Variants in MBTD1 observed in about 807,000 individuals in gnomAD.
The protein encoded by MBTD1 is MBT domain-containing protein 1.
MBTD1 carries 24 observed loss-of-function variants against 87.8 expected under a neutral mutation model. The observed-to-expected ratio is 0.27, with a 90% confidence interval of 0.20 to 0.38. The LOEUF (loss-of-function observed/expected upper bound fraction) is 0.38, where lower values mean the gene tolerates loss of function less well. Ranked by LOEUF, MBTD1 falls within the 10% of genes least tolerant of loss-of-function variation. The pLI is 1.00. For synonymous variants in MBTD1, 237 were observed against 248.6 expected (o/e 0.95, Z 0.44); for missense variants, 436 against 760.2 (o/e 0.57, Z 5.02).
chr17:51,190,750 A>AAAATAT (rs1555677185), intron 16 of MBTD1, among the ~76,000 whole-genome samples: 38 of 39,684 alleles, frequency 9.6e-4, no homozygotes, highest in African/African-American at 2.0e-3. Flanking sequence ...AAAAAAAAAA[A>AAAATAT]ATATATATAT....
intron 2 of MBTD1, among the ~76,000 whole-genome samples, chr17:51,257,197 T>C (rs2055140667): frequency 6.6e-6 from 1 of 152,262 alleles, no homozygotes; most frequent in South Asian, 2.1e-4. Flanking sequence ...GTCCTTTCTC[T>C]TTTATTGTCC....
chr17:51,192,211 T>G lies in MBTD1; in HGVS notation c.1760A>C (p.His587Pro). The change falls in exon 16 of 17, where the codon CAT becomes CCT. Residue 587 changes from histidine to proline, a missense_variant. By Grantham distance (77) the His-to-Pro change is moderately conservative. This residue lies in a region of MBTD1 where 80 missense variants were observed against 182.2 expected (regional missense o/e 0.44). Coordinates refer to ENST00000586178, the MANE Select transcript of MBTD1 (RefSeq NM_017643.3). The stretch of plus-strand genomic sequence containing the variant: ...ACCACGTGGTGACCCACTTTTCTTA[T>G]GTCCTTTGTATTGCTGGGACTTAGC... ...KKAKSQQYKG[H>P]KKMTTLQLKE... 1.3e-6 allele frequency: 2 copies of G among 1,550,908 alleles called. No individual in the cohort carries two copies. The highest frequency in any genetic ancestry group is 1.7e-6 in the Non-Finnish European group (2 of 1,146,476).
chr17:51,257,702 A>G (rs907288517), intron 2 of MBTD1, among the ~76,000 whole-genome samples: 3 of 152,214 alleles, frequency 2.0e-5, no homozygotes, highest in African/African-American at 7.2e-5. Flanking sequence ...TCATGTTTAA[A>G]GTAAGCAGGA....
At chr17:51,194,115 T>C (rs2050947629) in intron 13 of MBTD1, among the ~76,000 whole-genome samples, 1 of 152,228 alleles carries the variant, frequency 6.6e-6, no homozygotes, top group African/African-American at 2.4e-5. Flanking sequence ...TGGACTGATA[T>C]TTTTCTTTCT....
intron 16 of MBTD1, among the ~76,000 whole-genome samples, chr17:51,190,491 G>T (rs2318786): frequency 0.097 from 14,787 of 151,686 alleles, 1,089 homozygotes; most frequent in African/African-American, 0.2. Context: ...GACCAAGGCA[G>T]GCAGATGGAT....
chr17:51,188,202 A>G (rs1168837924), intron 16 of MBTD1, among the ~76,000 whole-genome samples: 5 of 152,224 alleles, frequency 3.3e-5, no homozygotes, highest in African/African-American at 9.6e-5. Flanking sequence ...GTGAGATTTA[A>G]AGCAGAAATC....
chr17:51,247,576 G>A (rs758056779), intron 2 of MBTD1, among the ~76,000 whole-genome samples: 6 of 151,422 alleles, frequency 4.0e-5, no homozygotes, highest in Non-Finnish European at 5.9e-5. Flanking sequence ...AGCCTCCCAA[G>A]TAGCTGGGAC....
intron 2 of MBTD1, among the ~76,000 whole-genome samples, chr17:51,243,104 G>A (rs754472067): frequency 5.3e-5 from 8 of 152,164 alleles, no homozygotes; most frequent in Admixed American, 2.0e-4. Flanking sequence ...GGATTGCTGT[G>A]TAGGATATAT....
At chr17:51,260,721 C>T (rs750296742), upstream of MBTD1, 18 of 1,597,490 alleles carry the variant, frequency 1.1e-5, no homozygotes, top group African/African-American at 1.6e-4. Flanking sequence ...GCCCCTTCAT[C>T]CCAGCGGAAA....
intron 2 of MBTD1, among the ~76,000 whole-genome samples, chr17:51,241,575 A>AT (rs1233245617): frequency 6.6e-6 from 1 of 150,946 alleles, no homozygotes; most frequent in Non-Finnish European, 1.5e-5. Flanking sequence ...TCAATGTTGT[A>AT]TTTTTTTTGA....
At chr17:51,184,326 AGAAG>A (rs2050441193) in intron 16 of MBTD1, 1 of 152,252 alleles carries the variant, frequency 6.6e-6, no homozygotes, top group Admixed American at 6.5e-5. Flanking sequence ...CTCTGTTTTT[AGAAG>A]GAAGTCACTT....
At chr17:51,245,851 C>T (rs1269285298) in intron 2 of MBTD1, among the ~76,000 whole-genome samples, 1 of 152,138 alleles carries the variant, frequency 6.6e-6, no homozygotes, top group African/African-American at 2.4e-5. Flanking sequence ...TCCAAGTGCA[C>T]TTCAAGTATT....
intron 16 of MBTD1, among the ~76,000 whole-genome samples, chr17:51,181,496 A>T (rs2050311689): frequency 6.6e-6 from 1 of 152,144 alleles, no homozygotes; most frequent in East Asian, 1.9e-4. Context: ...CCCCATCTCT[A>T]CAAAAAACAA....
At chr17:51,196,898 A>T (rs2051138784) in intron 12 of MBTD1, among the ~76,000 whole-genome samples, 2 of 151,472 alleles carry the variant, frequency 1.3e-5, no homozygotes, top group Non-Finnish European at 3.0e-5. Flanking sequence ...TCAAAGGGGA[A>T]AAAAAATTTT....
At chr17:51,226,360 G>A (rs980861603) in intron 2 of MBTD1, among the ~76,000 whole-genome samples, 4 of 150,920 alleles carry the variant, frequency 2.7e-5, no homozygotes, top group Admixed American at 2.0e-4. Flanking sequence ...TACAAAAAAT[G>A]CAAAAATTAG....
In MBTD1 at chr17:51,206,974, G is replaced by T; in HGVS notation, c.518C>A (p.Ser173Ter). 6.2e-7 allele frequency: 1 copy of T among 1,613,364 alleles called. No homozygotes were observed. The highest frequency in any genetic ancestry group is 1.1e-5 in the South Asian group (1 of 91,054). ...APMGTCWGDI[S>*]ENVRVEVPNT... Reference sequence around the variant, plus strand: ...GGGAACTTCTACTCTCACATTTTCTGAGATATCACCCCAGCAGGTCCCCAT... The same window carrying T: ...GGGAACTTCTACTCTCACATTTTCTTAGATATCACCCCAGCAGGTCCCCAT... The change falls in exon 7 of 17, where the codon TCA becomes TAA. Residue 173 changes from serine (S) to a stop codon, truncating the protein, a stop_gained. Coordinates refer to ENST00000586178, the MANE Select transcript of MBTD1 (RefSeq NM_017643.3). LOFTEE classifies it high-confidence loss of function.
intron 4 of MBTD1, among the ~76,000 whole-genome samples, chr17:51,219,971 T>C (rs2052792965): frequency 6.6e-6 from 1 of 151,970 alleles, no homozygotes; most frequent in African/African-American, 2.4e-5. Flanking sequence ...TTAAATTATT[T>C]CCCCCCAAAT....
At chr17:51,181,199 G>T (rs767698778) in intron 16 of MBTD1, among the ~76,000 whole-genome samples, 1 of 151,936 alleles carries the variant, frequency 6.6e-6, no homozygotes, top group East Asian at 1.9e-4. Flanking sequence ...GCTAATTTTT[G>T]TATTTTTAGT....
At chr17:51,236,675 C>T (rs1352036980) in intron 2 of MBTD1, among the ~76,000 whole-genome samples, 1 of 152,186 alleles carries the variant, frequency 6.6e-6, no homozygotes, top group Non-Finnish European at 1.5e-5. Context: ...GCTGCCCTCA[C>T]AGGCCTACCT....
Sources: gnomAD v4.1 joint callset for allele counts (sites outside exome capture counted in the v4.1 genomes callset) on GRCh38, gnomAD v4.1.1 for gene constraint, gnomAD v4.1.1 regional missense constraint, MANE v1.5 for transcripts, NCBI Gene and HGNC (gene_info 2026-07-23, HGNC 2026-07-21) for gene names.